Variants in CDYL2 observed in about 807,000 individuals in gnomAD.
The protein encoded by CDYL2 is chromodomain Y-like protein 2.
Under a neutral mutation model 49.4 loss-of-function variants are expected in CDYL2, and 23 were observed. The ratio of observed to expected loss-of-function variants is 0.47; its 90% confidence interval spans 0.34 to 0.66. The LOEUF (loss-of-function observed/expected upper bound fraction) is 0.66, where lower values mean the gene tolerates loss of function less well. CDYL2 is among the 30% of genes least tolerant of loss of function. CDYL2 has a pLI of 0.01. For missense variants in CDYL2, 678 were observed against 656.4 expected (o/e 1.03, Z -0.36); for synonymous variants, 360 against 268.8 (o/e 1.34, Z -3.32).
chr16:80,673,835 G>C (rs1364571262), intron 2 of CDYL2, among the ~76,000 whole-genome samples: 4 of 152,186 alleles, frequency 2.6e-5, no homozygotes, highest in Non-Finnish European at 5.9e-5. Flanking sequence ...ATCTTGGTTG[G>C]TTCAGTGTAA....
At chr16:80,706,417 C>A (rs556680026) in intron 1 of CDYL2, among the ~76,000 whole-genome samples, 21 of 152,312 alleles carry the variant, frequency 1.4e-4, no homozygotes, top group South Asian at 1.0e-3. Context: ...TAGGCCTCCA[C>A]CCTATAAAAC....
intron 1 of CDYL2, among the ~76,000 whole-genome samples, chr16:80,754,260 G>A (rs1440002312): frequency 2.6e-5 from 4 of 152,112 alleles, no homozygotes; most frequent in Non-Finnish European, 5.9e-5. Context: ...AAATATCATG[G>A]TTCACCTGGA....
In CDYL2 at chr16:80,790,878, T is replaced by C. The variant is rs75607385; in HGVS notation, c.24+13272A>G. 6.2e-3 allele frequency among the ~76,000 whole-genome samples: 951 copies of C among 152,318 alleles called. 14 individuals carry two copies. Among genetic ancestry groups the C allele is most frequent in the African/African-American group, 0.022 (902 of 41,574 alleles). ...GAAAGCGATAATGATGTCAAGATTT[T>C]CAAGGAGACTCTCCAGAACAGTCCG... is the stretch of plus-strand genomic sequence containing the variant. On this transcript the variant is annotated intron_variant, in intron 1 of 6. Transcript: ENST00000570137.
At chr16:80,654,779 G>C (rs947477769) in intron 2 of CDYL2, among the ~76,000 whole-genome samples, 5 of 152,242 alleles carry the variant, frequency 3.3e-5, no homozygotes, top group African/African-American at 1.2e-4. Context: ...CCCCAGTTTT[G>C]TATTGTTCCC....
chr16:80,613,714 C>G (rs1906704257), intron 4 of CDYL2, among the ~76,000 whole-genome samples: 1 of 152,152 alleles, frequency 6.6e-6, no homozygotes, highest in Admixed American at 6.5e-5. Context: ...TTCCTAGTTG[C>G]TATGTATGAT....
chr16:80,782,307 T>C (rs964839981), intron 1 of CDYL2, among the ~76,000 whole-genome samples: 2 of 151,660 alleles, frequency 1.3e-5, no homozygotes, highest in Non-Finnish European at 2.9e-5. Flanking sequence ...ATAGAAAATC[T>C]GAATAGATCT....
chr16:80,645,553 C>T (rs1908302197), intron 2 of CDYL2, among the ~76,000 whole-genome samples: 1 of 152,104 alleles, frequency 6.6e-6, no homozygotes, highest in African/African-American at 2.4e-5. Context: ...TAAACTAGTT[C>T]AACCATTGTG....
intron 1 of CDYL2, among the ~76,000 whole-genome samples, chr16:80,774,093 T>C (rs1175828762): frequency 2.0e-5 from 3 of 152,008 alleles, no homozygotes; most frequent in Non-Finnish European, 2.9e-5. Flanking sequence ...ATTTATAATT[T>C]TGGCAATAAA....
At chr16:80,754,885 G>A (rs1266192346) in intron 1 of CDYL2, among the ~76,000 whole-genome samples, 1 of 152,144 alleles carries the variant, frequency 6.6e-6, no homozygotes, top group East Asian at 1.9e-4. Flanking sequence ...CAGGGTATCA[G>A]ATGGGAAGGT....
chr16:80,722,416 T>G lies in CDYL2; in HGVS notation c.25-37287A>C, dbSNP rs185680149. Among the ~76,000 whole-genome samples the G allele has an allele frequency of 5.3e-5, 8 of 152,290 alleles. No homozygotes were observed. The East Asian group carries it at 1.5e-3, about 29-fold the overall frequency. Reference sequence around the variant, plus strand: ...TGAAAGCAAACACACTGCTGAGTCCTGAGAATTTACCCAGGAACTCACCCT... The same window carrying G: ...TGAAAGCAAACACACTGCTGAGTCCGGAGAATTTACCCAGGAACTCACCCT... On this transcript the variant is annotated intron_variant, in intron 1 of 6. Transcript: ENST00000570137.
intron 2 of CDYL2, among the ~76,000 whole-genome samples, chr16:80,653,110 G>A (rs1215320445): frequency 6.6e-6 from 1 of 152,164 alleles, no homozygotes; most frequent in Non-Finnish European, 1.5e-5. Context: ...ACTAGGTGTG[G>A]GCTATATAGA....
Position 80,599,026 on chromosome 16 carries a change from T to C in CDYL2, c.*5362A>G, listed in dbSNP as rs1237799956. 2.0e-5 allele frequency: 3 copies of C among 152,060 alleles called. No homozygotes were observed. Among genetic ancestry groups the C allele is most frequent in the African/African-American group, 4.8e-5 (2 of 41,386 alleles). 9.4% of individuals were successfully genotyped at this position (152,060 alleles called of 1,614,324 possible). ...AAATTAAATACTAGATGGGAAACTC[T>C]ACACCCTCCAAACTTCCAAGAGTCA... On this transcript the variant is annotated 3_prime_UTR_variant, in exon 7 of 7. Transcript: ENST00000570137.
intron 2 of CDYL2, among the ~76,000 whole-genome samples, chr16:80,656,560 C>T (rs1481884575): frequency 6.6e-6 from 1 of 152,222 alleles, no homozygotes; most frequent in African/African-American, 2.4e-5. Context: ...AAGCCCCCAT[C>T]ATGCTAGTTT....
chr16:80,669,404 A>C (rs138218771), intron 2 of CDYL2, among the ~76,000 whole-genome samples: 2 of 152,198 alleles, frequency 1.3e-5, no homozygotes, highest in Non-Finnish European at 2.9e-5. Context: ...TGGTCCTCAG[A>C]ACCAAGTCGG....
At chr16:80,702,352 G>T (rs1904306366) in intron 1 of CDYL2, among the ~76,000 whole-genome samples, 1 of 151,276 alleles carries the variant, frequency 6.6e-6, no homozygotes, top group African/African-American at 2.4e-5. Flanking sequence ...TTTTTTAGAA[G>T]AAATCAAGAA....
chr16:80,612,977 G>T lies in CDYL2; in HGVS notation c.1008-141C>A. Reference sequence around the variant, plus strand: ...GTGCCAGGCAAGGGCCTCATTGCCTGGACATGGAACCACCAGCTGTCAGAT... The same window carrying T: ...GTGCCAGGCAAGGGCCTCATTGCCTTGACATGGAACCACCAGCTGTCAGAT... On this transcript the variant is annotated intron_variant, in intron 4 of 6. Coordinates refer to ENST00000570137, the MANE Select transcript of CDYL2 (RefSeq NM_152342.4). The surrounding 1 kb of genome is among the most constrained non-coding windows in gnomAD (Gnocchi z 5.0). 1 of 684,912 alleles carries T rather than the reference G, an allele frequency of 1.5e-6. No individual in the cohort carries two copies. The highest frequency in any genetic ancestry group is 3.1e-5 in the Admixed American group (1 of 31,964). The allele number at this position is 684,912 out of a possible 1,614,324, so 42.4% of individuals were successfully genotyped here.
At chr16:80,628,118 C>T (rs560616964) in intron 3 of CDYL2, 1 of 152,270 alleles carries the variant, frequency 6.6e-6, no homozygotes, top group East Asian at 1.9e-4. Flanking sequence ...TGCATACTCT[C>T]CCTTCTCCCA....
intron 5 of CDYL2, among the ~76,000 whole-genome samples, chr16:80,609,091 C>G (rs1485434306): frequency 2.0e-5 from 3 of 152,158 alleles, no homozygotes; most frequent in Non-Finnish European, 4.4e-5. Flanking sequence ...GTCTGGTGAC[C>G]TGGGATATCT....
chr16:80,646,650 A>G (rs961618457), intron 2 of CDYL2, among the ~76,000 whole-genome samples: 2 of 152,092 alleles, frequency 1.3e-5, no homozygotes, highest in Non-Finnish European at 2.9e-5. Context: ...TCAGCTGGGC[A>G]GAGTGGCGTG....
Sources: allele counts gnomAD v4.1 joint callset (sites outside exome capture counted in the v4.1 genomes callset), GRCh38; gene constraint gnomAD v4.1.1; non-coding constraint Gnocchi (gnomAD v3.1); transcripts MANE v1.5; gene names NCBI Gene and HGNC (gene_info 2026-07-23, HGNC 2026-07-21).